CELF2: variants seen among roughly 807,000 people sequenced by gnomAD.
CELF2 encodes the protein CUGBP Elav-like family member 2, also known as CUG triplet repeat RNA-binding protein 2.
Under a neutral mutation model 62.6 loss-of-function variants are expected in CELF2, and 8 were observed. The observed-to-expected ratio is 0.13, with a 90% confidence interval of 0.07 to 0.23. The LOEUF is 0.23. Among genes scored for constraint, CELF2 ranks in the 10% least tolerant of loss-of-function variants. The pLI, the probability that CELF2 is intolerant of heterozygous loss-of-function variation, is 1.00. For missense variants in CELF2, 333 were observed against 671.0 expected, an observed-to-expected ratio of 0.50 and a Z score of 5.56; for synonymous variants, 258 against 250.0, an observed-to-expected ratio of 1.03 and a Z score of -0.30.
At chr10:10,736,398 T>TTCTTTCTTTCTTTC in the CELF2 span, among the ~76,000 whole-genome samples, 6 of 119,754 alleles carry the variant, frequency 5.0e-5, no homozygotes, top group East Asian at 8.0e-4. Flanking sequence ...CTTTCTTTCT[T>TTCTTTCTTTCTTTC]TTTTTTTTTT....
intron 9 of CELF2, among the ~76,000 whole-genome samples, chr10:11,312,840 A>G (rs1170912527): frequency 6.6e-6 from 1 of 152,232 alleles, no homozygotes; most frequent in Non-Finnish European, 1.5e-5. Context: ...AGGCTGAGGC[A>G]GGAGAATCAC....
chr10:11,099,888 A>ACAAC (rs763738086), intron 1 of CELF2, among the ~76,000 whole-genome samples: 9 of 115,384 alleles, frequency 7.8e-5, no homozygotes, highest in Admixed American at 1.6e-4. Flanking sequence ...CAACAACAAA[A>ACAAC]AAAAAAAAAA....
chr10:11,201,670 C>T (rs1205421218), intron 2 of CELF2, among the ~76,000 whole-genome samples: 1 of 152,196 alleles, frequency 6.6e-6, no homozygotes, highest in Non-Finnish European at 1.5e-5. Flanking sequence ...GTCCCTGCAA[C>T]AGCTGTCCTT....
the CELF2 span, among the ~76,000 whole-genome samples, chr10:10,571,087 C>T: frequency 2.0e-5 from 3 of 152,186 alleles, no homozygotes; most frequent in African/African-American, 4.8e-5. Context: ...ACATAACCGT[C>T]GGCCTTTTCA....
At chr10:10,937,051 A>G (rs1351172696) in intron 2 of CELF2, among the ~76,000 whole-genome samples, 2 of 151,972 alleles carry the variant, frequency 1.3e-5, no homozygotes, top group Non-Finnish European at 2.9e-5. Flanking sequence ...TTACATCTCA[A>G]TAAAAATGAA....
At chr10:11,202,931 CTCTCTCTCTCTCTCTCTCTCTGTG>C (rs879361236) in intron 2 of CELF2, among the ~76,000 whole-genome samples, 5,064 of 91,668 alleles carry the variant, frequency 0.055, 192 homozygotes, top group Middle Eastern at 0.06. Flanking sequence ...CTCTCTCTCT[CTCTCTCTCTCTCTCTCTCTCTGTG>C]TGTGTGTGTG....
At chr10:10,550,123 A>G in the CELF2 span, among the ~76,000 whole-genome samples, 8 of 152,226 alleles carry the variant, frequency 5.3e-5, no homozygotes, top group Admixed American at 4.6e-4. Flanking sequence ...AATAACATAA[A>G]CAGTGGATTG....
At chr10:10,682,352 G>T in the CELF2 span, among the ~76,000 whole-genome samples, 3 of 152,136 alleles carry the variant, frequency 2.0e-5, no homozygotes, top group Admixed American at 6.5e-5. Flanking sequence ...TTGCTTCACC[G>T]TTTTTCTTAA....
chr10:10,712,147 CA>C, the CELF2 span, among the ~76,000 whole-genome samples: 734 of 43,364 alleles, frequency 0.017, no homozygotes, highest in African/African-American at 0.038. Context: ...AGGATAGAGA[CA>C]AAAAAAAAAA....
chr10:10,576,367 T>C, the CELF2 span, among the ~76,000 whole-genome samples: 2 of 152,132 alleles, frequency 1.3e-5, no homozygotes, highest in Non-Finnish European at 2.9e-5. Context: ...TAAGCATAAA[T>C]ACTAGCTTTC....
At chr10:11,286,549 G>A (rs2091356690) in intron 8 of CELF2, among the ~76,000 whole-genome samples, 1 of 152,230 alleles carries the variant, frequency 6.6e-6, no homozygotes, top group South Asian at 2.1e-4. Context: ...GTAGGAAACA[G>A]CCCCTTGCTG....
chr10:10,839,838 C>G (rs961171709), intron 1 of CELF2, among the ~76,000 whole-genome samples: 2 of 152,222 alleles, frequency 1.3e-5, no homozygotes, highest in Non-Finnish European at 2.9e-5. Context: ...AATAGTTTCA[C>G]TGCCCTAAAA....
intron 1 of CELF2, among the ~76,000 whole-genome samples, chr10:11,073,535 T>C (rs2070825140): frequency 6.6e-6 from 1 of 152,236 alleles, no homozygotes; most frequent in African/African-American, 2.4e-5. Flanking sequence ...GTGATAGTTA[T>C]AAAAATAGCC....
chr10:11,218,483 A>G (rs75982403), intron 3 of CELF2, among the ~76,000 whole-genome samples: 3,622 of 152,306 alleles, frequency 0.024, 144 homozygotes, highest in African/African-American at 0.082. Context: ...AGGCCCCCAG[A>G]AAAGATAGCA....
At chr10:11,014,812 C>G (rs1036215395), upstream of CELF2, among the ~76,000 whole-genome samples, 3 of 152,098 alleles carry the variant, frequency 2.0e-5, no homozygotes, top group Admixed American at 1.3e-4. Context: ...CTTGAATTGC[C>G]TTTTGTTTGG....
At chr10:10,739,548 C>A in the CELF2 span, among the ~76,000 whole-genome samples, 9 of 152,292 alleles carry the variant, frequency 5.9e-5, no homozygotes, top group South Asian at 1.9e-3. Flanking sequence ...CTTACATAAT[C>A]ATAGTGAAAG....
At chr10:10,834,971 A>G (rs1019821974) in intron 1 of CELF2, among the ~76,000 whole-genome samples, 11 of 152,032 alleles carry the variant, frequency 7.2e-5, no homozygotes, top group African/African-American at 2.7e-4. Context: ...GCAGTAACAA[A>G]ATTCTGTCTC....
At chr10:10,902,836 G>T (rs986193053) in intron 1 of CELF2, among the ~76,000 whole-genome samples, 1 of 145,040 alleles carries the variant, frequency 6.9e-6, no homozygotes, top group South Asian at 2.3e-4. Flanking sequence ...AGATGGAGAG[G>T]AGAGAGACAA....
chr10:11,320,801 G>C, intron 10 of CELF2: 1 of 1,497,856 alleles, frequency 6.7e-7, no homozygotes, highest in Non-Finnish European at 9.0e-7. Flanking sequence ...TCAGTGTACA[G>C]ATGTTACAGG....
Sources: allele counts gnomAD v4.1 joint callset (sites outside exome capture counted in the v4.1 genomes callset), GRCh38; gene constraint gnomAD v4.1.1; transcripts MANE v1.5; gene names NCBI Gene and HGNC (gene_info 2026-07-23, HGNC 2026-07-21).